PTGER4: variants seen among roughly 807,000 people sequenced by gnomAD.
PTGER4 encodes the protein prostaglandin E receptor 4, also known as prostaglandin E2 receptor EP4 subtype.
A neutral mutation model predicts 33.2 loss-of-function variants in PTGER4; 11 were observed. The observed-to-expected ratio is 0.33, with a 90% CI of 0.21 to 0.55. PTGER4 has a LOEUF of 0.55. Ranked by LOEUF, PTGER4 falls within the 20% of genes least tolerant of loss-of-function variation. PTGER4 has a pLI of 0.92. For missense variants in PTGER4, 481 were observed against 650.2 expected (o/e 0.74, Z 2.83); for synonymous variants, 275 against 281.5 (o/e 0.98, Z 0.23).
chr5:40,692,280 G>A lies in PTGER4; in HGVS notation c.1369G>A (p.Ala457Thr), dbSNP rs1221828028. ...AGAGAGTGTCTTACTGGTGGATGAG[G>A]CTGGTGGGAGCGGCAGGGCTGGGCC... is the stretch of plus-strand genomic sequence containing the variant. ...DSESVLLVDE[A>T]GGSGRAGPAP... Residue 457 changes from alanine (A) to threonine (T), a missense_variant, in exon 3 of 3, where the codon GCT (alanine) becomes ACT (threonine). By Grantham distance (58) the Ala-to-Thr change is moderately conservative. Transcript: ENST00000302472. 6.2e-7 allele frequency: 1 copy of A among 1,613,998 alleles called. No homozygotes were observed. The highest frequency in any genetic ancestry group is 8.5e-7 in the Non-Finnish European group (1 of 1,180,028).
At chr5:40,706,247 G>A in the PTGER4 span, among the ~76,000 whole-genome samples, 11 of 152,082 alleles carry the variant, frequency 7.2e-5, no homozygotes, top group African/African-American at 2.4e-4. Context: ...AATACTACAT[G>A]TTCTCACTTA....
At chr5:40,711,558 A>G in the PTGER4 span, among the ~76,000 whole-genome samples, 2 of 152,130 alleles carry the variant, frequency 1.3e-5, no homozygotes, top group Admixed American at 6.6e-5. Context: ...AAATGAACAC[A>G]TATGTCCACA....
At chr5:40,740,907 T>C in the PTGER4 span, among the ~76,000 whole-genome samples, 1 of 152,236 alleles carries the variant, frequency 6.6e-6, no homozygotes, top group Non-Finnish European at 1.5e-5. Context: ...ATTTCAGATA[T>C]CGTATTTTTC....
At position 40,693,730 on chromosome 5, in the gene PTGER4, A is replaced by C. The variant is rs1741526761; in HGVS notation, c.*1352A>C. 5.1e-6 allele frequency: 5 copies of C among 979,132 alleles called. No individual in the cohort carries two copies. Among genetic ancestry groups the C allele is most frequent in the Admixed American group, 6.1e-5 (1 of 16,268 alleles). The allele number at this position is 979,132 out of a possible 1,614,324, so 60.7% of individuals were successfully genotyped here. A position where few individuals can be genotyped will look rare whatever the true frequency, so the allele number is the denominator to read the frequency against. On this transcript the variant is annotated 3_prime_UTR_variant, in exon 3 of 3. Coordinates refer to ENST00000302472, the MANE Select transcript of PTGER4 (RefSeq NM_000958.3). Reference sequence around the variant, plus strand: ...TTTGGAGATTATAATAAATATATACATTCAATCTGAGTTGCATATCCTCAG... The same window carrying C: ...TTTGGAGATTATAATAAATATATACCTTCAATCTGAGTTGCATATCCTCAG...
At position 40,681,683 on chromosome 5, in the gene PTGER4, G is replaced by T. The variant is rs967094979; in HGVS notation, c.690G>T (p.Ala230=). The T allele has an allele frequency of 3.2e-6, 5 of 1,570,452 alleles. No individual in the cohort carries two copies. Among genetic ancestry groups the T allele is most frequent in the Non-Finnish European group, 4.3e-6 (5 of 1,164,208 alleles). Residue 230 remains alanine, a synonymous_variant, in exon 2 of 3, where the codon GCG becomes GCT. Transcript: ENST00000302472. This position sits in a 1 kb window ranked among gnomAD's most constrained non-coding sequence, Gnocchi z 9.8. ...CGCTGGGCACCGAGCAGCACCACGCGGCCGCGGCCGCCTCGGTTGCCTCCC... is the reference window on the plus strand; with the variant it reads ...CGCTGGGCACCGAGCAGCACCACGCTGCCGCGGCCGCCTCGGTTGCCTCCC... ...RTSLGTEQHH[A]AAAASVASRG... is the part of the protein sequence containing the mutation.
Position 40,693,496 on chromosome 5 carries a change from A to G in PTGER4, c.*1118A>G, listed in dbSNP as rs1022949664. On this transcript the variant is annotated 3_prime_UTR_variant, in exon 3 of 3. Coordinates refer to ENST00000302472, the MANE Select transcript of PTGER4 (RefSeq NM_000958.3). ...GTTACATTAGCCATTCATGTATGTC[A>G]GAAGTGCAGAATTGGGGCACTTAAT... 1 of 985,870 alleles carries G rather than the reference A, an allele frequency of 1.0e-6. No homozygotes were observed. The highest frequency in any genetic ancestry group is 1.2e-6 in the Non-Finnish European group (1 of 829,938). The allele number at this position is 985,870 out of a possible 1,614,324, so 61.1% of individuals were successfully genotyped here. A position where few individuals can be genotyped will look rare whatever the true frequency, so the allele number is the denominator to read the frequency against.
chr5:40,721,303 A>G, the PTGER4 span, among the ~76,000 whole-genome samples: 6 of 152,308 alleles, frequency 3.9e-5, no homozygotes, highest in South Asian at 1.2e-3. Context: ...GACAAAATCA[A>G]TTTTAGAAGT....
chr5:40,704,167 G>T, the PTGER4 span, among the ~76,000 whole-genome samples: 1 of 152,072 alleles, frequency 6.6e-6, no homozygotes, highest in South Asian at 2.1e-4. Flanking sequence ...CCCTCAGGAT[G>T]CAAGGTTGGT....
At position 40,681,449 on chromosome 5, in the gene PTGER4, G is replaced by C; in HGVS notation, c.456G>C (p.Ala152=). 6.2e-7 allele frequency: 1 copy of C among 1,613,772 alleles called. No homozygotes were observed. Among genetic ancestry groups the C allele is most frequent in the Non-Finnish European group, 8.5e-7 (1 of 1,180,022 alleles). Residue 152 remains alanine (A), a synonymous_variant, in exon 2 of 3, where the codon GCG becomes GCC. Transcript: ENST00000302472. The surrounding 1 kb of genome is among the most constrained non-coding windows in gnomAD (Gnocchi z 9.8). ...ATGCGTCCAACGTGCTCTTTTGCGC[G>C]CTGCCCAACATGGGTCTCGGTAGCT... ...AVYASNVLFC[A]LPNMGLGSSR... is the part of the protein sequence containing the mutation.
chr5:40,726,462 CT>C, the PTGER4 span, among the ~76,000 whole-genome samples: 45 of 146,406 alleles, frequency 3.1e-4, no homozygotes, highest in East Asian at 3.9e-4. Flanking sequence ...TTTGAGTCAT[CT>C]TTTTTTTTTA....
the PTGER4 span, among the ~76,000 whole-genome samples, chr5:40,718,948 T>C: frequency 1.3e-5 from 2 of 152,290 alleles, no homozygotes; most frequent in Admixed American, 1.3e-4. Flanking sequence ...ATGGGAATTG[T>C]GCTTTATGTG....
the PTGER4 span, among the ~76,000 whole-genome samples, chr5:40,698,867 C>G: frequency 6.6e-6 from 1 of 152,064 alleles, no homozygotes; most frequent in African/African-American, 2.4e-5. Flanking sequence ...AAAGTTTTCT[C>G]GTACCAAAAG....
chr5:40,722,688 A>C, the PTGER4 span, among the ~76,000 whole-genome samples: 1 of 150,850 alleles, frequency 6.6e-6, no homozygotes, highest in Non-Finnish European at 1.5e-5. Flanking sequence ...CAGTCTGGGA[A>C]GTGAGGAGCG....
chr5:40,718,716 C>T, the PTGER4 span, among the ~76,000 whole-genome samples: 6 of 150,782 alleles, frequency 4.0e-5, no homozygotes, highest in African/African-American at 9.8e-5. Flanking sequence ...TCAGCCTGGG[C>T]GACAGAGCAA....
Position 40,680,959 on chromosome 5 carries a change from T to C in PTGER4, c.-35T>C, listed in dbSNP as rs750377381. Reference sequence around the variant, plus strand: ...TCTTCTACCATCCCCAGACCCAGCCTTGCACTCCAAGGCTGCGCACCGCCA... The same window carrying C: ...TCTTCTACCATCCCCAGACCCAGCCCTGCACTCCAAGGCTGCGCACCGCCA... On this transcript the variant is annotated 5_prime_UTR_variant, in exon 2 of 3. Transcript: ENST00000302472. The surrounding 1 kb of genome is among the most constrained non-coding windows in gnomAD (Gnocchi z 5.5). 6.4e-7 allele frequency: 1 copy of C among 1,574,200 alleles called. No homozygotes were observed.
chr5:40,722,503 C>T, the PTGER4 span, among the ~76,000 whole-genome samples: 6 of 151,200 alleles, frequency 4.0e-5, no homozygotes, highest in Non-Finnish European at 7.4e-5. Context: ...ATGTGGGGAG[C>T]GCCTCTGCCC....
chr5:40,707,091 A>G, the PTGER4 span, among the ~76,000 whole-genome samples: 2 of 152,216 alleles, frequency 1.3e-5, no homozygotes, highest in Non-Finnish European at 2.9e-5. Context: ...AATTGTAAAG[A>G]CCATCAAGGC....
chr5:40,732,107 G>A, the PTGER4 span, among the ~76,000 whole-genome samples: 2 of 152,140 alleles, frequency 1.3e-5, no homozygotes, highest in Non-Finnish European at 1.5e-5. Flanking sequence ...GAACTCTTGG[G>A]CTCAAGGGCC....
chr5:40,681,992 C>A lies in PTGER4; in HGVS notation c.867+132C>A. 8.3e-7 allele frequency: 1 copy of A among 1,202,602 alleles called. No individual in the cohort carries two copies. The highest frequency in any genetic ancestry group is 2.8e-5 in the East Asian group (1 of 35,826). The allele number at this position is 1,202,602 out of a possible 1,614,324, so 74.5% of individuals were successfully genotyped here. On this transcript the variant is annotated intron_variant, in intron 2 of 2. Transcript: ENST00000302472. The surrounding 1 kb of genome is among the most constrained non-coding windows in gnomAD (Gnocchi z 9.8). ...CGCCTTTAGGTCGGGGCTGGGATTC[C>A]CACACTGTTTCTCAGAGCAGGCCCA...
Sources: allele counts gnomAD v4.1 joint callset (sites outside exome capture counted in the v4.1 genomes callset), GRCh38; gene constraint gnomAD v4.1.1; non-coding constraint Gnocchi (gnomAD v3.1); transcripts MANE v1.5; gene names NCBI Gene and HGNC (gene_info 2026-07-23, HGNC 2026-07-21).